Variants in RTL10 observed in about 807,000 individuals in gnomAD.
RTL10 encodes retrotransposon Gag like 10, also known as protein Bop.
For synonymous variants in RTL10, 199 were observed against 188.4 expected (o/e 1.06, Z -0.46); for missense variants, 477 against 470.7 (o/e 1.01, Z -0.12).
At position 19,847,804 on chromosome 22, in the gene RTL10, CAAAAAAAA is replaced by C. The variant is rs34331843; in HGVS notation, c.*3355_*3362del. On this transcript the variant is annotated 3_prime_UTR_variant, in exon 3 of 3. Coordinates refer to ENST00000328554, the MANE Select transcript of RTL10 (RefSeq NM_024627.6). ...ACTTTTAAAATCCTGGAATCATAGGCAAAAAAAAAAAAAAAAAAAAATTCACCCATATT... is the reference window on the plus strand; with the variant it reads ...ACTTTTAAAATCCTGGAATCATAGGCAAAAAAAAAAAAATTCACCCATATT... The C allele has an allele frequency of 1.6e-5, 10 of 612,394 alleles. No individual in the cohort carries two copies. The highest frequency in any genetic ancestry group is 1.2e-4 in the Admixed American group (1 of 8,582). The allele number at this position is 612,394 out of a possible 1,614,324, so 37.9% of individuals were successfully genotyped here. A position where few individuals can be genotyped will look rare whatever the true frequency, so the allele number is the denominator to read the frequency against.
chr22:19,847,407 G>C lies in RTL10; in HGVS notation c.*3760C>G, dbSNP rs1937985818. On this transcript the variant is annotated 3_prime_UTR_variant, in exon 3 of 3. Coordinates refer to ENST00000328554, the MANE Select transcript of RTL10 (RefSeq NM_024627.6). ...TTCCAGTTCTGCTGTTCAAAAAACA[G>C]TGACACCCATGAGGTGGGTGTTAGA... The C allele has an allele frequency of 1.0e-6, 1 of 985,250 alleles. No homozygotes were observed. The highest frequency in any genetic ancestry group is 1.2e-6 in the Non-Finnish European group (1 of 829,868). 61.0% of individuals were successfully genotyped at this position (985,250 alleles called of 1,614,324 possible).
intron 2 of RTL10, among the ~76,000 whole-genome samples, chr22:19,853,486 G>A (rs1459420126): frequency 1.3e-5 from 2 of 152,030 alleles, no homozygotes; most frequent in African/African-American, 2.4e-5. Flanking sequence ...GCCCACTCAC[G>A]ACCTCCAGGA....
chr22:19,846,858 T>C lies in RTL10; in HGVS notation c.*4309A>G, dbSNP rs1937973342. ...TTCTAGCTCCAGAATCATGAGGAAA[T>C]GTCTGTTGTTTAAGTCCCCTAGCCT... On this transcript the variant is annotated 3_prime_UTR_variant, in exon 3 of 3. Coordinates refer to ENST00000328554, the MANE Select transcript of RTL10 (RefSeq NM_024627.6). 3.3e-6 allele frequency: 3 copies of C among 898,526 alleles called. No individual in the cohort carries two copies. Among genetic ancestry groups the C allele is most frequent in the South Asian group, 5.1e-5 (1 of 19,600 alleles). 55.7% of individuals were successfully genotyped at this position (898,526 alleles called of 1,614,324 possible).
In RTL10 at chr22:19,852,015, C is replaced by T; in HGVS notation, c.247G>A (p.Ala83Thr). 1 of 1,614,162 alleles carries T rather than the reference C, an allele frequency of 6.2e-7. No individual in the cohort carries two copies. Among genetic ancestry groups the T allele is most frequent in the Non-Finnish European group, 8.5e-7 (1 of 1,179,994 alleles). The change falls in exon 3 of 3, where the codon GCT (alanine) becomes ACT (threonine). Residue 83 changes from alanine (A) to threonine (T), a missense_variant. Coordinates refer to ENST00000328554, the MANE Select transcript of RTL10 (RefSeq NM_024627.6). Reference protein sequence around the residue: ...GGKPAERGPLAGHMPSSRPHR... With the variant: ...GGKPAERGPLTGHMPSSRPHR... ...GGTCGGGAGCTGGGCATGTGCCCAGCTAGGGGACCCCTTTCTGCAGGTTTA... is the reference window on the plus strand; with the variant it reads ...GGTCGGGAGCTGGGCATGTGCCCAGTTAGGGGACCCCTTTCTGCAGGTTTA...
rs959381427 is a variant in RTL10 at position 19,847,365 on chromosome 22, G to A, written c.*3802C>T. On this transcript the variant is annotated 3_prime_UTR_variant, in exon 3 of 3. Coordinates refer to ENST00000328554, the MANE Select transcript of RTL10 (RefSeq NM_024627.6). ...GCTTTATTTGCCTTGCTCCTTTATT[G>A]CTGGATCTTTGGGCTTTTCCAGTTC... The A allele has an allele frequency of 1.0e-6, 1 of 985,416 alleles. No homozygotes were observed. Among genetic ancestry groups the A allele is most frequent in the Non-Finnish European group, 1.2e-6 (1 of 829,942 alleles). 61.0% of individuals were successfully genotyped at this position (985,416 alleles called of 1,614,324 possible).
chr22:19,851,946 T>C lies in RTL10; in HGVS notation c.316A>G (p.Thr106Ala). 7.4e-6 allele frequency: 12 copies of C among 1,613,954 alleles called. No individual in the cohort carries two copies. The highest frequency in any genetic ancestry group is 9.3e-6 in the Non-Finnish European group (11 of 1,179,918). Reference sequence around the variant, plus strand: ...AGTAGCCACGGGGAGCCATCAAAGGTGCCTGGGTCTGAGCCTGGTACCCAG... The same window carrying C: ...AGTAGCCACGGGGAGCCATCAAAGGCGCCTGGGTCTGAGCCTGGTACCCAG... Reference protein sequence around the residue: ...FCWVPGSDPGTFDGSPWLLDR... With the variant: ...FCWVPGSDPGAFDGSPWLLDR... The change falls in exon 3 of 3, where the codon ACC (threonine) becomes GCC (alanine). Residue 106 changes from threonine to alanine, a missense_variant. Thr to Ala is a moderately conservative substitution (Grantham distance 58, BLOSUM62 0). Transcript: ENST00000328554.
rs890419716 is a variant in RTL10 at position 19,849,835 on chromosome 22, C to T, written c.*1332G>A. ...GGGACTTGAACTTCTTGTCCAAGCA[C>T]CAGAGTGGGCACACACTGCACACAC... On this transcript the variant is annotated 3_prime_UTR_variant, in exon 3 of 3. Transcript: ENST00000328554. 1 of 985,318 alleles carries T rather than the reference C, an allele frequency of 1.0e-6. No homozygotes were observed. Among genetic ancestry groups the T allele is most frequent in the East Asian group, 1.1e-4 (1 of 8,834 alleles). The allele number at this position is 985,318 out of a possible 1,614,324, so 61.0% of individuals were successfully genotyped here.
Position 19,850,052 on chromosome 22 carries a change from C to T in RTL10, c.*1115G>A, listed in dbSNP as rs3747066. On this transcript the variant is annotated 3_prime_UTR_variant, in exon 3 of 3. Transcript: ENST00000328554. ...ACAGCTCTCGGAAGTCAGTTCTCTA[C>T]CTGCAGAGCCACCCACCCCCTACTC... 317,424 of 985,484 alleles carry T rather than the reference C, an allele frequency of 0.32. 52,952 individuals are homozygous for T. Among genetic ancestry groups the T allele is most frequent in the East Asian group, 0.35 (3,098 of 8,798 alleles). 61.0% of individuals were successfully genotyped at this position (985,484 alleles called of 1,614,324 possible). A position where few individuals can be genotyped will look rare whatever the true frequency, so the allele number is the denominator to read the frequency against.
rs555274757 is a variant in RTL10 at position 19,851,427 on chromosome 22, T to A, written c.835A>T (p.Ser279Cys). ...GGTTCCACAGGACCAGGCTTGGAGC[T>A]ACATGTAGAACTGGGCAGGACTGGG... Reference protein sequence around the residue: ...EPPVLPSSTCSSKPGPVEPAS... With the variant: ...EPPVLPSSTCCSKPGPVEPAS... Residue 279 changes from serine (S) to cysteine (C), a missense_variant, in exon 3 of 3, where the codon AGC becomes TGC. Transcript: ENST00000328554. 5 of 1,613,994 alleles carry A rather than the reference T, an allele frequency of 3.1e-6. No homozygotes were observed. Among genetic ancestry groups the A allele is most frequent in the East Asian group, 2.2e-5 (1 of 44,858 alleles).
chr22:19,846,854 G>C lies in RTL10; in HGVS notation c.*4313C>G, dbSNP rs147571103. 13 of 894,012 alleles carry C rather than the reference G, an allele frequency of 1.5e-5. No homozygotes were observed. Among genetic ancestry groups the C allele is most frequent in the Non-Finnish European group, 1.1e-5 (8 of 746,512 alleles). The allele number at this position is 894,012 out of a possible 1,614,324, so 55.4% of individuals were successfully genotyped here. A position where few individuals can be genotyped will look rare whatever the true frequency, so the allele number is the denominator to read the frequency against. The stretch of plus-strand genomic sequence containing the variant: ...AGGCTTCTAGCTCCAGAATCATGAG[G>C]AAATGTCTGTTGTTTAAGTCCCCTA... On this transcript the variant is annotated 3_prime_UTR_variant, in exon 3 of 3. Transcript: ENST00000328554.
chr22:19,852,541 G>A (rs1938133537), intron 2 of RTL10, 55 bp from the exon 3 acceptor site: 2 of 439,764 alleles, frequency 4.5e-6, no homozygotes, highest in Non-Finnish European at 8.2e-6. Context: ...ATCACCCACT[G>A]GACTGGTGGG....
At position 19,851,774 on chromosome 22, in the gene RTL10, G is replaced by A. The variant is rs1294506507; in HGVS notation, c.488C>T (p.Pro163Leu). ...WAAPYLDGDL[P>L]LPDDYELFCQ... The stretch of plus-strand genomic sequence containing the variant: ...GAAGAGCTCGTAATCGTCAGGCAGG[G>A]GCAGGTCCCCATCAAGGTAGGGGGC... Residue 163 changes from proline (P) to leucine (L), a missense_variant, in exon 3 of 3, where the codon CCC (proline) becomes CTC (leucine). Physicochemically the swap from Pro to Leu is moderately conservative, Grantham distance 98 (BLOSUM62 -3). Coordinates refer to ENST00000328554, the MANE Select transcript of RTL10 (RefSeq NM_024627.6). 28 of 1,613,278 alleles carry A rather than the reference G, an allele frequency of 1.7e-5. No individual in the cohort carries two copies. The highest frequency in any genetic ancestry group is 2.2e-5 in the Non-Finnish European group (26 of 1,179,492).
Position 19,854,868 on chromosome 22 carries a change from T to A in RTL10, c.-531A>T, listed in dbSNP as rs1032236454. ...CTGCTCCTAGGAGCGCCGCGCAGCG[T>A]CCAGAGACCGATTACATCGCGCAGC... On this transcript the variant is annotated 5_prime_UTR_variant, in exon 1 of 3. Transcript: ENST00000328554. 1 of 152,196 alleles carries A rather than the reference T, an allele frequency of 6.6e-6. No individual in the cohort carries two copies. The highest frequency in any genetic ancestry group is 1.5e-5 in the Non-Finnish European group (1 of 68,060). The allele number at this position is 152,196 out of a possible 1,614,324, so 9.4% of individuals were successfully genotyped here.
In RTL10 at chr22:19,852,267, G is replaced by GAGCACAGGGGAGAAGAGAGGAGAGCC. The variant is rs772912170; in HGVS notation, c.-32_-7dup. 6 of 1,594,794 alleles carry GAGCACAGGGGAGAAGAGAGGAGAGCC rather than the reference G, an allele frequency of 3.8e-6. No individual in the cohort carries two copies. Among genetic ancestry groups the GAGCACAGGGGAGAAGAGAGGAGAGCC allele is most frequent in the Non-Finnish European group, 5.1e-6 (6 of 1,169,686 alleles). ...CGGCACCGGCCACGAGGCATGCTGG[G>GAGCACAGGGGAGAAGAGAGGAGAGCC]AGCACAGGGGAGAAGAGAGGAGAGC... On this transcript the variant is annotated 5_prime_UTR_variant, in exon 3 of 3. Coordinates refer to ENST00000328554, the MANE Select transcript of RTL10 (RefSeq NM_024627.6).
chr22:19,850,336 G>T lies in RTL10; in HGVS notation c.*831C>A. 1 of 984,962 alleles carries T rather than the reference G, an allele frequency of 1.0e-6. No homozygotes were observed. Among genetic ancestry groups the T allele is most frequent in the Non-Finnish European group, 1.2e-6 (1 of 829,414 alleles). 61.0% of individuals were successfully genotyped at this position (984,962 alleles called of 1,614,324 possible). ...GCTGAGGGTCACAGTCTGCCAGGAG[G>T]GAGATCCAAGTCATTTACACACTAG... On this transcript the variant is annotated 3_prime_UTR_variant, in exon 3 of 3. Coordinates refer to ENST00000328554, the MANE Select transcript of RTL10 (RefSeq NM_024627.6).
chr22:19,853,875 C>G (rs1308107276), intron 2 of RTL10, among the ~76,000 whole-genome samples: 1 of 152,246 alleles, frequency 6.6e-6, no homozygotes, highest in Non-Finnish European at 1.5e-5. Context: ...GCTCCCACCA[C>G]CAGCCAAGGT....
Position 19,846,499 on chromosome 22 carries a change from C to A in RTL10, c.*4668G>T, listed in dbSNP as rs1937964508. ...GACTCTGCACACAGGCATGTGGAGA[C>A]CACAGAAGCCTGCCCAATATAGCGC... is the stretch of plus-strand genomic sequence containing the variant. On this transcript the variant is annotated 3_prime_UTR_variant, in exon 3 of 3. Coordinates refer to ENST00000328554, the MANE Select transcript of RTL10 (RefSeq NM_024627.6). 22 of 985,332 alleles carry A rather than the reference C, an allele frequency of 2.2e-5. No individual in the cohort carries two copies. The highest frequency in any genetic ancestry group is 1.4e-4 in the South Asian group (3 of 21,288). The allele number at this position is 985,332 out of a possible 1,614,324, so 61.0% of individuals were successfully genotyped here.
chr22:19,851,670 G>A lies in RTL10; in HGVS notation c.592C>T (p.Leu198=), dbSNP rs771723218. ...GCCACTGGCAGCTGGCTGGAGGCCA[G>A]GGGCAGGGGACAGGTAACCACAGCA... ...YHAVVTCPLP[L]ASSQLPVAPQ... The change falls in exon 3 of 3, where the codon CTG becomes TTG. Residue 198 remains leucine (L), a synonymous_variant. Coordinates refer to ENST00000328554, the MANE Select transcript of RTL10 (RefSeq NM_024627.6). 6.3e-7 allele frequency: 1 copy of A among 1,595,534 alleles called. No individual in the cohort carries two copies. The highest frequency in any genetic ancestry group is 8.6e-7 in the Non-Finnish European group (1 of 1,168,822).
rs1938009684 is a variant in RTL10, at chr22:19,848,139, T to C, written c.*3028A>G. The C allele has an allele frequency of 2.1e-6, 2 of 974,088 alleles. No individual in the cohort carries two copies. The highest frequency in any genetic ancestry group is 2.4e-6 in the Non-Finnish European group (2 of 829,062). 60.3% of individuals were successfully genotyped at this position (974,088 alleles called of 1,614,324 possible). ...GACCTTATCCTTAGTACTTCCTATT[T>C]TAAAGTTTTCCTTGCAGACAGGTAC... On this transcript the variant is annotated 3_prime_UTR_variant, in exon 3 of 3. Transcript: ENST00000328554.
Sources: allele counts gnomAD v4.1 joint callset (sites outside exome capture counted in the v4.1 genomes callset), GRCh38; gene constraint gnomAD v4.1.1; transcripts MANE v1.5; gene names NCBI Gene and HGNC (gene_info 2026-07-23, HGNC 2026-07-21).